Variants in FIBCD1 observed in about 807,000 individuals in gnomAD.
FIBCD1 encodes fibrinogen C domain-containing protein 1.
Under a neutral mutation model 45.1 loss-of-function variants are expected in FIBCD1, and 47 were observed. The observed-to-expected ratio is 1.04, with a 90% CI of 0.82 to 1.33. The LOEUF is 1.33. Ranked by LOEUF, FIBCD1 falls within the 40% of genes most tolerant of loss-of-function variation. The probability of loss-of-function intolerance (pLI) is 0.00; values close to 1 mark genes in which losing one functional copy is unlikely to be tolerated. For synonymous variants in FIBCD1, 313 were observed against 308.1 expected, an observed-to-expected ratio of 1.02 and a Z score of -0.17; for missense variants, 653 against 682.2, an observed-to-expected ratio of 0.96 and a Z score of 0.48.
intron 4 of FIBCD1, among the ~76,000 whole-genome samples, chr9:130,920,354 C>T (rs1047684212): frequency 1.8e-4 from 27 of 152,156 alleles, no homozygotes; most frequent in Non-Finnish European, 2.5e-4. Context: ...CTCCCAGCCC[C>T]GCTCCCCGCT....
chr9:130,904,886 G>A (rs771633351), intron 6 of FIBCD1, among the ~76,000 whole-genome samples: 98 of 152,208 alleles, frequency 6.4e-4, no homozygotes, highest in South Asian at 2.1e-4. Flanking sequence ...ATGAAAAAAC[G>A]AACAGAAGAT....
chr9:130,917,295 CAG>C (rs931039671), intron 4 of FIBCD1, among the ~76,000 whole-genome samples: 8 of 151,958 alleles, frequency 5.3e-5, no homozygotes, highest in Admixed American at 3.3e-4. Context: ...GGAAGACAGA[CAG>C]AGAGTGTTTT....
In FIBCD1 at chr9:130,923,882, T is replaced by A. The variant is rs1182361744; in HGVS notation, c.713-2A>T. The A allele has an allele frequency of 6.2e-7, 1 of 1,612,192 alleles. No homozygotes were observed. The highest frequency in any genetic ancestry group is 8.5e-7 in the Non-Finnish European group (1 of 1,179,922). On this transcript the variant is annotated splice_acceptor_variant, in intron 3 of 6. Transcript: ENST00000372338. LOFTEE classifies it high-confidence loss of function. Reference sequence around the variant, plus strand: ...CCAGACAGTCTCGGGGCCGGGAGCCTGAGGGAGGCAAGGCTGTCAGGGTGG... The same window carrying A: ...CCAGACAGTCTCGGGGCCGGGAGCCAGAGGGAGGCAAGGCTGTCAGGGTGG...
At position 130,914,876 on chromosome 9, in the gene FIBCD1, C is replaced by T. The variant is rs560714349; in HGVS notation, c.850-2988G>A. Among the ~76,000 whole-genome samples the T allele has an allele frequency of 7.6e-4, 115 of 152,298 alleles. 1 individual carries two copies. The highest frequency in any genetic ancestry group is 1.2e-3 in the Non-Finnish European group (84 of 68,012). ...GATGATGGGCAGTCGAGACTCAGCT[C>T]GGGGGCTGCGTGCTCTCTGCGTGCC... On this transcript the variant is annotated intron_variant, in intron 4 of 6. Transcript: ENST00000372338.
intron 6 of FIBCD1, among the ~76,000 whole-genome samples, chr9:130,904,574 C>T (rs540445336): frequency 1.3e-5 from 2 of 149,072 alleles, no homozygotes; most frequent in South Asian, 2.1e-4. Context: ...TGGGTCTAGG[C>T]GGTCTCTATC....
rs1021179768 is a variant in FIBCD1 at position 130,926,345 on chromosome 9, A to G, written c.553-1949T>C. 6.6e-6 allele frequency among the ~76,000 whole-genome samples: 1 copy of G among 152,236 alleles called. No homozygotes were observed. The highest frequency in any genetic ancestry group is 2.1e-4 in the South Asian group (1 of 4,836). On this transcript the variant is annotated intron_variant, in intron 2 of 6. Coordinates refer to ENST00000372338, the MANE Select transcript of FIBCD1 (RefSeq NM_032843.5). The surrounding 1 kb of genome is among the most constrained non-coding windows in gnomAD (Gnocchi z 4.1). Reference sequence around the variant, plus strand: ...TAAAGTTGAAAATGTACATATAAACATGCCCCGAATTAATGGGGAAGTGAG... The same window carrying G: ...TAAAGTTGAAAATGTACATATAAACGTGCCCCGAATTAATGGGGAAGTGAG...
In FIBCD1 at chr9:130,904,327, C is replaced by G; in HGVS notation, c.1127-4G>C. ...CTGTGCTTCAGGAGGGAGTCGCCTG[C>G]GCAGGGGTGCACACAGGTGTGGGCA... On this transcript the variant is annotated splice_polypyrimidine_tract_variant and splice_region_variant and intron_variant, in intron 6 of 6. Transcript: ENST00000372338. 9 of 1,601,854 alleles carry G rather than the reference C, an allele frequency of 5.6e-6. No individual in the cohort carries two copies. The highest frequency in any genetic ancestry group is 7.7e-6 in the Non-Finnish European group (9 of 1,172,608).
At chr9:130,924,116 G>T in intron 3 of FIBCD1, 121 bp downstream of exon 3, 1 of 1,351,784 alleles carries the variant, frequency 7.4e-7, no homozygotes, top group Non-Finnish European at 9.8e-7. Context: ...TTCAGCGCAG[G>T]CCACATGGAA....
At chr9:130,921,704 A>T (rs553072283) in intron 4 of FIBCD1, among the ~76,000 whole-genome samples, 7 of 151,914 alleles carry the variant, frequency 4.6e-5, no homozygotes, top group Non-Finnish European at 8.8e-5. Flanking sequence ...CTGACCCTGA[A>T]CTCTGATTTC....
Position 130,929,731 on chromosome 9 carries a change from C to G in FIBCD1, c.388G>C (p.Gly130Arg). ...TCCAGCAGCTCCTGCTCCTGGTCGC[C>G]CACCAGCCGTGGCTGGGCCTGGTGC... ...TEHQAQPRLV[G>R]DQEQELLDTL... The change falls in exon 2 of 7, where the codon GGC becomes CGC. Residue 130 changes from glycine (G) to arginine (R), a missense_variant. Coordinates refer to ENST00000372338, the MANE Select transcript of FIBCD1 (RefSeq NM_032843.5). 1 of 1,582,644 alleles carries G rather than the reference C, an allele frequency of 6.3e-7. No individual in the cohort carries two copies. Among genetic ancestry groups the G allele is most frequent in the African/African-American group, 1.3e-5 (1 of 74,148 alleles).
rs1019167354 is a variant in FIBCD1, at chr9:130,923,839, G to A, written c.754C>T (p.Gln252Ter). ...ACAGAGTAGACGCCATCGTCCTGCT[G>A]TCCGCTTAGGAGGACGTCCAGACAG... ...RDCLDVLLSG[Q>*]QDDGVYSVFP... The change falls in exon 4 of 7, where the codon CAG becomes TAG. Residue 252 changes from glutamine to a stop codon, truncating the protein, a stop_gained. Coordinates refer to ENST00000372338, the MANE Select transcript of FIBCD1 (RefSeq NM_032843.5). LOFTEE classifies it high-confidence loss of function. 3 of 1,612,800 alleles carry A rather than the reference G, an allele frequency of 1.9e-6. No individual in the cohort carries two copies. The highest frequency in any genetic ancestry group is 1.7e-5 in the Admixed American group (1 of 60,014).
chr9:130,929,884 G>C lies in FIBCD1; in HGVS notation c.235C>G (p.Leu79Val), dbSNP rs17853126. Residue 79 changes from leucine to valine, a missense_variant, in exon 2 of 7, where the codon CTG becomes GTG. Transcript: ENST00000372338. ...STGAASANSALVTVERADSSH... is the reference protein window; with the variant it reads ...STGAASANSAVVTVERADSSH... ...CTGTCCGCCCTTTCCACAGTGACCA[G>C]GGCGCTGTTGGCGCTGGCAGCCCCA... The C allele has an allele frequency of 1.3e-6, 2 of 1,549,538 alleles. No individual in the cohort carries two copies. Among genetic ancestry groups the C allele is most frequent in the African/African-American group, 2.7e-5 (2 of 73,040 alleles).
chr9:130,912,392 CAAAAAAAAAAAAA>C (rs61490832), intron 4 of FIBCD1, among the ~76,000 whole-genome samples: 1 of 75,740 alleles, frequency 1.3e-5, no homozygotes, highest in Non-Finnish European at 2.4e-5. Context: ...GGCTCTCTCT[CAAAAAAAAAAAAA>C]AAAAAAAAAA....
chr9:130,904,603 A>G (rs1480267745), intron 6 of FIBCD1, among the ~76,000 whole-genome samples: 1 of 151,698 alleles, frequency 6.6e-6, no homozygotes, highest in East Asian at 1.9e-4. Flanking sequence ...CAGCTTTTCC[A>G]CATTCCCTCT....
intron 4 of FIBCD1, among the ~76,000 whole-genome samples, chr9:130,917,229 C>T (rs1832178454): frequency 6.6e-6 from 1 of 152,236 alleles, no homozygotes; most frequent in Non-Finnish European, 1.5e-5. Flanking sequence ...GGCTGGAAAA[C>T]GATTGAGTAG....
chr9:130,912,725 C>T (rs796873659), intron 4 of FIBCD1, among the ~76,000 whole-genome samples: 8 of 151,390 alleles, frequency 5.3e-5, no homozygotes, highest in African/African-American at 1.5e-4. Context: ...AAGGGAATCT[C>T]GGTGGGGTGG....
At chr9:130,916,702 A>G (rs1832166814) in intron 4 of FIBCD1, among the ~76,000 whole-genome samples, 1 of 152,264 alleles carries the variant, frequency 6.6e-6, no homozygotes, top group Non-Finnish European at 1.5e-5. Flanking sequence ...AGCGAGGACC[A>G]GTGGGATGGG....
Position 130,903,623 on chromosome 9 carries a change from G to T in FIBCD1, c.*441C>A. ...TACTGGCCTCAGACCTGACCTCAGA[G>T]AGACCTGACGTTCCCCACGATCTGC... On this transcript the variant is annotated 3_prime_UTR_variant, in exon 7 of 7. Transcript: ENST00000372338. 1 of 280,148 alleles carries T rather than the reference G, an allele frequency of 3.6e-6. No individual in the cohort carries two copies. Among genetic ancestry groups the T allele is most frequent in the South Asian group, 4.1e-5 (1 of 24,548 alleles). 17.4% of individuals were successfully genotyped at this position (280,148 alleles called of 1,614,324 possible).
intron 5 of FIBCD1, among the ~76,000 whole-genome samples, chr9:130,907,690 G>C (rs1054606820): frequency 6.6e-6 from 1 of 152,164 alleles, no homozygotes; most frequent in African/African-American, 2.4e-5. Flanking sequence ...ACGAGGTCAG[G>C]AGTTCGAGAC....
Sources: gnomAD v4.1 joint callset for allele counts (sites outside exome capture counted in the v4.1 genomes callset) on GRCh38, gnomAD v4.1.1 for gene constraint, Gnocchi (gnomAD v3.1) non-coding constraint, MANE v1.5 for transcripts, NCBI Gene and HGNC (gene_info 2026-07-23, HGNC 2026-07-21) for gene names.